Variants in INVS observed in about 807,000 individuals in gnomAD.
INVS encodes inversin, also known as inversion of embryo turning homolog.
In INVS, 86 loss-of-function variants were observed where a neutral mutation model predicts 108.8. That is an observed-to-expected ratio of 0.79 (90% CI 0.66 to 0.95). The LOEUF (loss-of-function observed/expected upper bound fraction) is 0.95, where lower values mean the gene tolerates loss of function less well. Ranked by LOEUF, INVS falls within the 40% of genes least tolerant of loss-of-function variation. The probability of loss-of-function intolerance (pLI) is 0.00; values close to 1 mark genes in which losing one functional copy is unlikely to be tolerated. For missense variants in INVS, 1,169 were observed against 1,297.4 expected (o/e 0.90, Z 1.52); for synonymous variants, 455 against 473.5 (o/e 0.96, Z 0.51).
chr9:100,121,276 C>A (rs970643050), intron 2 of INVS, among the ~76,000 whole-genome samples: 2 of 152,112 alleles, frequency 1.3e-5, no homozygotes, highest in East Asian at 3.8e-4. Context: ...TTTGCAAAAT[C>A]CCTTCATATT....
chr9:100,289,563 T>C (rs1205403433), intron 13 of INVS, among the ~76,000 whole-genome samples: 1 of 152,210 alleles, frequency 6.6e-6, no homozygotes, highest in African/African-American at 2.4e-5. Flanking sequence ...ATTCATGAGG[T>C]TGATAGAATT....
intron 12 of INVS, among the ~76,000 whole-genome samples, chr9:100,283,805 C>T (rs1178738544): frequency 6.6e-6 from 1 of 152,188 alleles, no homozygotes; most frequent in African/African-American, 2.4e-5. Flanking sequence ...GCATCTGCAA[C>T]TCACAGGTGT....
intron 2 of INVS, among the ~76,000 whole-genome samples, chr9:100,112,844 C>T (rs754344033): frequency 7.2e-5 from 11 of 152,210 alleles, no homozygotes; most frequent in Non-Finnish European, 1.5e-4. Flanking sequence ...TCAGCACTTA[C>T]TCTTGTGACC....
chr9:100,167,536 T>C (rs892926560), intron 3 of INVS, among the ~76,000 whole-genome samples: 2 of 152,226 alleles, frequency 1.3e-5, no homozygotes, highest in African/African-American at 4.8e-5. Flanking sequence ...AACCCTTTTC[T>C]GGCAATCCTA....
chr9:100,296,948 C>T lies in INVS; in HGVS notation c.2818C>T (p.Arg940Trp), dbSNP rs116654016. The T allele has an allele frequency of 1.9e-5, 30 of 1,613,938 alleles. No individual in the cohort carries two copies. The highest frequency in any genetic ancestry group is 2.2e-5 in the East Asian group (1 of 44,866). The change falls in exon 15 of 17, where the codon CGG becomes TGG. Residue 940 changes from arginine to tryptophan, a missense_variant. Arg to Trp is a moderately radical substitution (Grantham distance 101). Around this residue, in one of 3 missense-constraint regions of INVS, gnomAD observed 533 missense variants for 536.0 expected, o/e 0.99. Coordinates refer to ENST00000262457, the MANE Select transcript of INVS (RefSeq NM_014425.5). ...YQLRKHLSHL[R>W]HMKQLGAGDV... is the part of the protein sequence containing the mutation. ...GCTCAGGAAGCACCTGTCCCACCTTCGGCATATGAAGCAGCTTGGAGCTGG... is the reference window on the plus strand; with the variant it reads ...GCTCAGGAAGCACCTGTCCCACCTTTGGCATATGAAGCAGCTTGGAGCTGG...
chr9:100,190,478 G>C (rs1830185706), intron 3 of INVS, among the ~76,000 whole-genome samples: 1 of 152,136 alleles, frequency 6.6e-6, no homozygotes, highest in African/African-American at 2.4e-5. Context: ...ATGCTTTCAA[G>C]ATGTTCTATT....
At chr9:100,261,266 T>G in intron 10 of INVS, among the ~76,000 whole-genome samples, 1 of 138,256 alleles carries the variant, frequency 7.2e-6, no homozygotes, top group Admixed American at 7.3e-5. Context: ...GGAATGCATC[T>G]TTTTTTTTTT....
At chr9:100,257,151 T>G (rs1196500070) in intron 10 of INVS, among the ~76,000 whole-genome samples, 1 of 152,210 alleles carries the variant, frequency 6.6e-6, no homozygotes, top group Non-Finnish European at 1.5e-5. Context: ...TTGATCCCTT[T>G]ACCATTATAT....
At position 100,104,531 on chromosome 9, in the gene INVS, T is replaced by G. The variant is rs1827109569; in HGVS notation, c.10T>G (p.Ser4Ala). The stretch of plus-strand genomic sequence containing the variant: ...GGTTGCTAAGAAGACTATGAACAAG[T>G]CAGAGAACCTGCTGTTTGCTGGTTC... MNK[S>A]ENLLFAGSSL... The change falls in exon 2 of 17, where the codon TCA becomes GCA. Residue 4 changes from serine to alanine, a missense_variant. Transcript: ENST00000262457. 2 of 1,613,408 alleles carry G rather than the reference T, an allele frequency of 1.2e-6. No homozygotes were observed.
At chr9:100,163,846 T>G (rs1829271078) in intron 3 of INVS, among the ~76,000 whole-genome samples, 1 of 152,214 alleles carries the variant, frequency 6.6e-6, no homozygotes, top group Non-Finnish European at 1.5e-5. Context: ...AAGGATGAGT[T>G]CAGAGATCAC....
intron 3 of INVS, among the ~76,000 whole-genome samples, chr9:100,151,762 A>G (rs764410738): frequency 1.3e-5 from 2 of 152,150 alleles, no homozygotes; most frequent in African/African-American, 2.4e-5. Flanking sequence ...TATGCTTTCA[A>G]GTTTCCTTCT....
chr9:100,221,740 G>T (rs1170483270), intron 3 of INVS, among the ~76,000 whole-genome samples: 2 of 151,628 alleles, frequency 1.3e-5, no homozygotes, highest in Non-Finnish European at 1.5e-5. Context: ...CCACGGTTTT[G>T]CTTTCTGTGA....
intron 2 of INVS, among the ~76,000 whole-genome samples, chr9:100,125,407 T>A (rs1056993775): frequency 6.6e-6 from 1 of 152,184 alleles, no homozygotes; most frequent in African/African-American, 2.4e-5. Context: ...TTGAGAACTT[T>A]GGCATCTGTG....
intron 3 of INVS, among the ~76,000 whole-genome samples, chr9:100,173,419 T>C (rs181296524): frequency 3.3e-5 from 5 of 152,254 alleles, no homozygotes; most frequent in Non-Finnish European, 5.9e-5. Context: ...TTTGGGGCAA[T>C]GGCTGTAAGT....
Position 100,284,442 on chromosome 9 carries a change from A to C in INVS, c.1907A>C (p.Gln636Pro). ...AGCACCCAGGATGTGCCCAGCAGGC[A>C]GAGCCGGGCCCCCAGCAAGCAGCCT... Reference protein sequence around the residue: ...LPSTQDVPSRQSRAPSKQPPA... With the variant: ...LPSTQDVPSRPSRAPSKQPPA... The change falls in exon 13 of 17, where the codon CAG becomes CCG. Residue 636 changes from glutamine to proline, a missense_variant. Physicochemically the swap from Gln to Pro is moderately conservative, Grantham distance 76. Transcript: ENST00000262457. 1 of 1,614,168 alleles carries C rather than the reference A, an allele frequency of 6.2e-7. No individual in the cohort carries two copies. Among genetic ancestry groups the C allele is most frequent in the Non-Finnish European group, 8.5e-7 (1 of 1,180,016 alleles).
At chr9:100,201,961 C>T (rs961188907) in intron 3 of INVS, among the ~76,000 whole-genome samples, 4 of 152,150 alleles carry the variant, frequency 2.6e-5, no homozygotes, top group African/African-American at 9.7e-5. Context: ...GCTGAGTGTC[C>T]CATACAAGCA....
intron 12 of INVS, among the ~76,000 whole-genome samples, chr9:100,279,256 G>T (rs574370200): frequency 6.6e-6 from 1 of 152,132 alleles, no homozygotes; most frequent in Non-Finnish European, 1.5e-5. Flanking sequence ...GTGGAGATGG[G>T]CACACAAAGG....
At chr9:100,115,605 C>G (rs575158700) in intron 2 of INVS, among the ~76,000 whole-genome samples, 2,084 of 152,240 alleles carry the variant, frequency 0.014, 36 homozygotes, top group African/African-American at 0.048. Flanking sequence ...TCATCCATGT[C>G]CCTACAAAGG....
At chr9:100,223,089 T>G (rs752353396) in intron 3 of INVS, among the ~76,000 whole-genome samples, 3 of 151,820 alleles carry the variant, frequency 2.0e-5, no homozygotes, top group Non-Finnish European at 4.4e-5. Flanking sequence ...ATTTATTTAT[T>G]TATTTATTTT....
Sources: allele counts gnomAD v4.1 joint callset (sites outside exome capture counted in the v4.1 genomes callset), GRCh38; gene constraint gnomAD v4.1.1; regional missense constraint gnomAD v4.1.1; transcripts MANE v1.5; gene names NCBI Gene and HGNC (gene_info 2026-07-23, HGNC 2026-07-21).